ARIH1: variants seen among roughly 807,000 people sequenced by gnomAD.
The protein encoded by ARIH1 is ariadne RBR E3 ubiquitin protein ligase 1, also known as E3 ubiquitin-protein ligase ARIH1.
Under a neutral mutation model 85.0 loss-of-function variants are expected in ARIH1, and 8 were observed. That is an observed-to-expected ratio of 0.09 (90% CI 0.06 to 0.17). The LOEUF is 0.17. Among genes scored for constraint, ARIH1 ranks in the 10% least tolerant of loss-of-function variants. The probability of loss-of-function intolerance (pLI) is 1.00; values close to 1 mark genes in which losing one functional copy is unlikely to be tolerated. For synonymous variants in ARIH1, 238 were observed against 253.6 expected, an observed-to-expected ratio of 0.94 and a Z score of 0.59; for missense variants, 311 against 718.1, an observed-to-expected ratio of 0.43 and a Z score of 6.48.
intron 2 of ARIH1, among the ~76,000 whole-genome samples, chr15:72,523,636 T>TTATG: frequency 6.6e-6 from 1 of 151,832 alleles, no homozygotes; most frequent in East Asian, 1.9e-4. Context: ...ATAAGAACCC[T>TTATG]TATGTAAACT....
rs71137306 is a variant in ARIH1, at chr15:72,594,811, C to CTTTTTTTTTTTTTTTTTTTTTTTTTTTT, written c.*11546_*11547insTTTTTTTTTTTTTTTTTTTTTTTTTTTT. On this transcript the variant is annotated 3_prime_UTR_variant, in exon 14 of 14. Coordinates refer to ENST00000379887, the MANE Select transcript of ARIH1 (RefSeq NM_005744.5). Reference sequence around the variant, plus strand: ...TTTTTCTGATTTTATGCCTTTTCTTCTTTTTTTTTTTTTTTTTTTTTTTTT... The same window carrying CTTTTTTTTTTTTTTTTTTTTTTTTTTTT: ...TTTTTCTGATTTTATGCCTTTTCTTCTTTTTTTTTTTTTTTTTTTTTTTTTTTTTTTTTTTTTTTTTTTTTTTTTTTTT... The CTTTTTTTTTTTTTTTTTTTTTTTTTTTT allele has an allele frequency of 1.9e-4, 15 of 79,616 alleles. 1 individual carries two copies. Among genetic ancestry groups the CTTTTTTTTTTTTTTTTTTTTTTTTTTTT allele is most frequent in the African/African-American group, 3.0e-4 (5 of 16,414 alleles). The allele number at this position is 79,616 out of a possible 1,614,324, so 4.9% of individuals were successfully genotyped here.
Position 72,597,430 on chromosome 15 carries a change from A to AT in ARIH1, c.*14149dup, listed in dbSNP as rs879417679. 919 of 147,668 alleles carry AT rather than the reference A, an allele frequency of 6.2e-3. 12 individuals carry two copies. Among genetic ancestry groups the AT allele is most frequent in the African/African-American group, 0.019 (773 of 40,212 alleles). The allele number at this position is 147,668 out of a possible 1,614,324, so 9.1% of individuals were successfully genotyped here. A position where few individuals can be genotyped will look rare whatever the true frequency, so the allele number is the denominator to read the frequency against. On this transcript the variant is annotated 3_prime_UTR_variant, in exon 14 of 14. Transcript: ENST00000379887. The stretch of plus-strand genomic sequence containing the variant: ...CCTACTTTACAACCTTGCTGCCAGG[A>AT]TTTTTTTTTTTAATCAATGGGCTGG...
intron 1 of ARIH1, among the ~76,000 whole-genome samples, chr15:72,502,839 G>C (rs777463465): frequency 3.3e-5 from 5 of 151,902 alleles, no homozygotes; most frequent in African/African-American, 1.2e-4. Context: ...GAGTGATGAA[G>C]GTATGACATT....
chr15:72,518,468 G>A (rs901096454), intron 2 of ARIH1, among the ~76,000 whole-genome samples: 5 of 152,118 alleles, frequency 3.3e-5, no homozygotes, highest in African/African-American at 1.2e-4. Flanking sequence ...GAGTACATGA[G>A]TAAGATCCTC....
At chr15:72,534,516 G>C (rs1030322338) in intron 2 of ARIH1, among the ~76,000 whole-genome samples, 1 of 152,172 alleles carries the variant, frequency 6.6e-6, no homozygotes, top group Non-Finnish European at 1.5e-5. Flanking sequence ...GTCTTAAAGG[G>C]AAGGTCCATC....
chr15:72,491,664 T>C (rs533122932), intron 1 of ARIH1, among the ~76,000 whole-genome samples: 40 of 152,256 alleles, frequency 2.6e-4, no homozygotes, highest in Non-Finnish European at 4.4e-4. Context: ...ATTCACTGAA[T>C]TAACCCTTCC....
In ARIH1 at chr15:72,474,885, C is replaced by T. The variant is rs1595845311; in HGVS notation, c.246C>T (p.Gly82=). ...TGGGGCCCGGCGGTGGCGGCGGCGG[C>T]GGCGGCGGCGGTGGTGGTGGCGGGC... ...SALGPGGGGG[G]GGGGGGGGPG... is the part of the protein sequence containing the mutation. The change falls in exon 1 of 14, where the codon GGC becomes GGT. Residue 82 remains glycine (G), a synonymous_variant. Coordinates refer to ENST00000379887, the MANE Select transcript of ARIH1 (RefSeq NM_005744.5). 7.0e-7 allele frequency: 1 copy of T among 1,424,860 alleles called. No individual in the cohort carries two copies. Among genetic ancestry groups the T allele is most frequent in the Admixed American group, 2.7e-5 (1 of 37,196 alleles). 88.3% of individuals were successfully genotyped at this position (1,424,860 alleles called of 1,614,324 possible). A position where few individuals can be genotyped will look rare whatever the true frequency, so the allele number is the denominator to read the frequency against.
At chr15:72,475,948 A>G (rs1271796815) in intron 1 of ARIH1, among the ~76,000 whole-genome samples, 2 of 148,958 alleles carry the variant, frequency 1.3e-5, no homozygotes, top group Non-Finnish European at 1.5e-5. Context: ...TCATTTGGGG[A>G]AAAAAAAAAC....
intron 11 of ARIH1, among the ~76,000 whole-genome samples, chr15:72,575,522 G>T (rs2064266781): frequency 8.0e-6 from 1 of 124,610 alleles, no homozygotes; most frequent in Admixed American, 1.0e-4. Flanking sequence ...CTGCACTCTA[G>T]CTCAAGCAAC....
Position 72,597,090 on chromosome 15 carries a change from T to C in ARIH1, c.*13798T>C, listed in dbSNP as rs1046266702. On this transcript the variant is annotated 3_prime_UTR_variant, in exon 14 of 14. Coordinates refer to ENST00000379887, the MANE Select transcript of ARIH1 (RefSeq NM_005744.5). ...GCTTTTGCACGTCTTGTATATTTGA[T>C]TGGATGATGGACGTTTTATGTTGAA... 6.6e-6 allele frequency: 1 copy of C among 152,066 alleles called. No individual in the cohort carries two copies. The highest frequency in any genetic ancestry group is 1.5e-5 in the Non-Finnish European group (1 of 68,012). 9.4% of individuals were successfully genotyped at this position (152,066 alleles called of 1,614,324 possible).
At chr15:72,545,038 AAAG>A in intron 3 of ARIH1, 74 bp downstream of exon 3, 1 of 1,380,654 alleles carries the variant, frequency 7.2e-7, no homozygotes, top group Non-Finnish European at 9.6e-7. Context: ...TTATTTAAAC[AAAG>A]GAAAATTTGT....
chr15:72,573,664 C>G (rs987977037), intron 11 of ARIH1, among the ~76,000 whole-genome samples: 16 of 151,912 alleles, frequency 1.1e-4, no homozygotes, highest in African/African-American at 3.4e-4. Context: ...AAAATCCCTA[C>G]AAATTCCAAT....
intron 1 of ARIH1, among the ~76,000 whole-genome samples, chr15:72,506,361 A>AAAAAAAAAAAAAAAAAAG: frequency 6.7e-6 from 1 of 148,848 alleles, no homozygotes; most frequent in African/African-American, 2.5e-5. Context: ...CAAAAAAAAA[A>AAAAAAAAAAAAAAAAAAG]AAAAGAAAAA....
At chr15:72,507,477 G>A (rs2063931103) in intron 1 of ARIH1, among the ~76,000 whole-genome samples, 1 of 152,050 alleles carries the variant, frequency 6.6e-6, no homozygotes, top group Non-Finnish European at 1.5e-5. Flanking sequence ...GTCCCCCTCA[G>A]TCCTCTTCCT....
intron 3 of ARIH1, 56 bp from the exon 4 acceptor site, chr15:72,555,215 T>G (rs1340442602): frequency 7.5e-7 from 1 of 1,326,648 alleles, no homozygotes; most frequent in Non-Finnish European, 1.1e-6. Flanking sequence ...AGTCACTGTT[T>G]ATAGTGAGTT....
At chr15:72,535,520 A>C (rs1358435889) in intron 2 of ARIH1, among the ~76,000 whole-genome samples, 1 of 152,248 alleles carries the variant, frequency 6.6e-6, no homozygotes. Context: ...TTGTTTTAAC[A>C]TAGCTGAATT....
At chr15:72,528,782 G>C (rs2064041672) in intron 2 of ARIH1, among the ~76,000 whole-genome samples, 1 of 152,158 alleles carries the variant, frequency 6.6e-6, no homozygotes, top group East Asian at 1.9e-4. Context: ...TGGAGCCCAG[G>C]AGGGTGGAGC....
intron 2 of ARIH1, among the ~76,000 whole-genome samples, chr15:72,542,149 A>G (rs1162655987): frequency 2.0e-5 from 3 of 152,234 alleles, no homozygotes; most frequent in Non-Finnish European, 4.4e-5. Flanking sequence ...AATGGAAACA[A>G]TTTAAAGGTG....
At position 72,543,335 on chromosome 15, in the gene ARIH1, C is replaced by T. The variant is rs1595865890; in HGVS notation, c.444-1485C>T. Among the ~76,000 whole-genome samples the T allele has an allele frequency of 2.0e-5, 3 of 152,020 alleles. No individual in the cohort carries two copies. The South Asian group carries it at 6.2e-4, about 32-fold the overall frequency. On this transcript the variant is annotated intron_variant, in intron 2 of 13. Transcript: ENST00000379887. ...TGGCGCCACTGCACTCCAGTCTGGG[C>T]GACAGAGTGAGACTGTCTCAAAATT...
Sources: gnomAD v4.1 joint callset for allele counts (sites outside exome capture counted in the v4.1 genomes callset) on GRCh38, gnomAD v4.1.1 for gene constraint, MANE v1.5 for transcripts, NCBI Gene and HGNC (gene_info 2026-07-23, HGNC 2026-07-21) for gene names.